The following QKI variants were observed in gnomAD, a reference collection of about 807,000 sequenced individuals.
The protein encoded by QKI is KH domain-containing RNA-binding protein QKI.
Under a neutral mutation model 39.0 loss-of-function variants are expected in QKI, and 10 were observed. The ratio of observed to expected loss-of-function variants is 0.26; its 90% CI spans 0.16 to 0.43. QKI has a LOEUF of 0.43. Ranked by LOEUF, QKI falls within the 20% of genes least tolerant of loss-of-function variation. The probability of loss-of-function intolerance (pLI) is 1.00; values close to 1 mark genes in which losing one functional copy is unlikely to be tolerated. For missense variants in QKI, 218 were observed against 428.0 expected (o/e 0.51, Z 4.33); for synonymous variants, 204 against 155.4 (o/e 1.31, Z -2.33).
chr6:163,449,148 A>AG (rs1467517726), intron 1 of QKI, among the ~76,000 whole-genome samples: 21 of 152,210 alleles, frequency 1.4e-4, no homozygotes, highest in African/African-American at 4.8e-4. Flanking sequence ...GTCTAGCAAG[A>AG]GGTAGGGATT....
chr6:163,567,066 G>T, intron 7 of QKI: 1 of 1,080,228 alleles, frequency 9.3e-7, no homozygotes, highest in Non-Finnish European at 1.1e-6. Flanking sequence ...AATTTGGGGA[G>T]CTATTAAATT....
intron 2 of QKI, among the ~76,000 whole-genome samples, chr6:163,460,288 T>A (rs746259382): frequency 2.6e-4 from 39 of 152,228 alleles, no homozygotes; most frequent in Non-Finnish European, 4.6e-4. Context: ...GAAAGGCATC[T>A]CTTGGGTCTA....
intron 2 of QKI, among the ~76,000 whole-genome samples, chr6:163,478,478 A>G (rs967851310): frequency 6.6e-6 from 1 of 152,196 alleles, no homozygotes; most frequent in Admixed American, 6.5e-5. Context: ...TATTTTGTCA[A>G]ACTCTTTAAT....
chr6:163,438,508 G>A (rs927242324), intron 1 of QKI, among the ~76,000 whole-genome samples: 6 of 152,184 alleles, frequency 3.9e-5, no homozygotes, highest in Admixed American at 1.3e-4. Flanking sequence ...CACCTCAGCT[G>A]TATGGTATAG....
At chr6:163,487,538 G>A (rs140931209) in intron 3 of QKI, among the ~76,000 whole-genome samples, 31 of 152,210 alleles carry the variant, frequency 2.0e-4, no homozygotes, top group African/African-American at 7.5e-4. Context: ...GTTTTAATGA[G>A]CATACAAATG....
At chr6:163,527,587 G>C (rs1031304167) in intron 3 of QKI, among the ~76,000 whole-genome samples, 3 of 152,092 alleles carry the variant, frequency 2.0e-5, no homozygotes, top group Admixed American at 1.3e-4. Context: ...TCATGTTATA[G>C]AATCCCTTTG....
intron 1 of QKI, among the ~76,000 whole-genome samples, chr6:163,421,560 GTATTTGAT>G (rs1335310140): frequency 7.7e-6 from 1 of 130,358 alleles, no homozygotes. Flanking sequence ...GATAACGACT[GTATTTGAT>G]TGAGTGATTT....
At chr6:163,416,623 A>AT (rs1787527035) in intron 1 of QKI, 1 of 152,240 alleles carries the variant, frequency 6.6e-6, no homozygotes, top group Admixed American at 6.5e-5. Context: ...TGTTTCCATG[A>AT]TAAAAAATGG....
At chr6:163,569,115 C>A in intron 7 of QKI, 1 of 936,652 alleles carries the variant, frequency 1.1e-6, no homozygotes, top group Non-Finnish European at 1.3e-6. Context: ...TTTGGAATAC[C>A]TGTGAAGTAG....
chr6:163,510,217 AAATAATAATAATAATAATAATAAT>A (rs142297811), intron 3 of QKI, among the ~76,000 whole-genome samples: 7 of 136,276 alleles, frequency 5.1e-5, no homozygotes, highest in South Asian at 2.4e-4. Flanking sequence ...CTCTATCTCA[AAATAATAATAATAATAATAATAAT>A]AATAATAATA....
intron 1 of QKI, among the ~76,000 whole-genome samples, chr6:163,424,401 C>G (rs533684513): frequency 6.6e-6 from 1 of 152,264 alleles, no homozygotes; most frequent in East Asian, 1.9e-4. Context: ...GCTAATGAGA[C>G]CCTGTGATGA....
At chr6:163,524,943 C>G (rs188783327) in intron 3 of QKI, among the ~76,000 whole-genome samples, 1 of 152,270 alleles carries the variant, frequency 6.6e-6, no homozygotes, top group Admixed American at 6.5e-5. Context: ...CTTTATGTCT[C>G]TTTTGTAGAT....
intron 4 of QKI, among the ~76,000 whole-genome samples, chr6:163,556,813 C>A (rs1270226847): frequency 2.0e-5 from 3 of 152,092 alleles, no homozygotes; most frequent in Non-Finnish European, 2.9e-5. Flanking sequence ...AAGGCACTTC[C>A]CCGATACCAC....
In QKI at chr6:163,414,939, G is replaced by A. The variant is rs1355944893; in HGVS notation, c.-255G>A. 31 of 159,084 alleles carry A rather than the reference G, an allele frequency of 1.9e-4. No homozygotes were observed. In the South Asian group the frequency reaches 2.8e-3, roughly 14 times the overall value. The allele number at this position is 159,084 out of a possible 1,614,324, so 9.9% of individuals were successfully genotyped here. On this transcript the variant is annotated 5_prime_UTR_variant, in exon 1 of 8. Transcript: ENST00000361752. ...CCGCCCGCCCGCCGGCCTCGTGAGG[G>A]ACGCGCCGAGCCGGGCGGCCGAGAG...
chr6:163,474,067 A>G (rs1187684347), intron 2 of QKI, among the ~76,000 whole-genome samples: 1 of 152,246 alleles, frequency 6.6e-6, no homozygotes, highest in Non-Finnish European at 1.5e-5. Flanking sequence ...AATCCACTGC[A>G]ATAACAGAAT....
intron 7 of QKI, 50 bp downstream of exon 7, chr6:163,566,845 A>G (rs750750135): frequency 2.5e-6 from 4 of 1,597,554 alleles, no homozygotes; most frequent in Admixed American, 1.7e-5. Flanking sequence ...TTGGGTGTCC[A>G]TAAAATTTGC....
At chr6:163,515,518 A>C (rs923792961) in intron 3 of QKI, among the ~76,000 whole-genome samples, 5 of 152,182 alleles carry the variant, frequency 3.3e-5, no homozygotes, top group Admixed American at 6.5e-5. Context: ...TTCTTTGTGT[A>C]GCAGAATATT....
At chr6:163,442,211 A>C (rs1789813751) in intron 1 of QKI, among the ~76,000 whole-genome samples, 1 of 152,208 alleles carries the variant, frequency 6.6e-6, no homozygotes, top group Non-Finnish European at 1.5e-5. Flanking sequence ...CCTTTTCAGT[A>C]ATTTGTTTAG....
intron 3 of QKI, among the ~76,000 whole-genome samples, chr6:163,480,085 T>C (rs1487962575): frequency 1.3e-5 from 2 of 152,216 alleles, no homozygotes; most frequent in South Asian, 2.1e-4. Flanking sequence ...CTAAATATTA[T>C]TGTTAGGAAG....
Sources: allele counts gnomAD v4.1 joint callset (sites outside exome capture counted in the v4.1 genomes callset), GRCh38; gene constraint gnomAD v4.1.1; transcripts MANE v1.5; gene names NCBI Gene and HGNC (gene_info 2026-07-23, HGNC 2026-07-21).